TOMM70: variants seen among roughly 807,000 people sequenced by gnomAD.
TOMM70 encodes translocase of outer mitochondrial membrane 70.
In TOMM70, 13 loss-of-function variants were observed where a neutral mutation model predicts 73.6. The observed-to-expected ratio is 0.18, with a 90% CI of 0.11 to 0.28. The LOEUF (loss-of-function observed/expected upper bound fraction) is 0.28. Ranked by LOEUF, TOMM70 falls within the 10% of genes least tolerant of loss-of-function variation. The pLI is 1.00. For synonymous variants in TOMM70, 257 were observed against 271.2 expected (o/e 0.95, Z 0.51); for missense variants, 609 against 747.5 (o/e 0.81, Z 2.16).
intron 1 of TOMM70, among the ~76,000 whole-genome samples, chr3:100,396,656 T>A (rs902422226): frequency 3.3e-5 from 5 of 151,286 alleles, no homozygotes; most frequent in Non-Finnish European, 7.4e-5. Context: ...CAATTTAAAA[T>A]TTTTTTTTAA....
Position 100,386,338 on chromosome 3 carries a change from AT to A in TOMM70, c.504del (p.Lys168AsnfsTer20). ...GTACAGTCTTGTGCCACTTCTTTCC[AT>A]TTTTGCTGTAATTGAAAGTATTTAA... ...NRAAAFEQLQ[K>X]WKEVAQDCTK... is the part of the protein sequence containing the mutation. On this transcript the variant is annotated frameshift_variant, in exon 3 of 12. Transcript: ENST00000284320. LOFTEE classifies it high-confidence loss of function. The A allele has an allele frequency of 6.3e-7, 1 of 1,597,660 alleles. No individual in the cohort carries two copies. Among genetic ancestry groups the A allele is most frequent in the Non-Finnish European group, 8.5e-7 (1 of 1,173,792 alleles).
chr3:100,396,279 G>A (rs924273606), intron 1 of TOMM70, among the ~76,000 whole-genome samples: 1 of 152,148 alleles, frequency 6.6e-6, no homozygotes, highest in South Asian at 2.1e-4. Flanking sequence ...TTACTAAAAT[G>A]TGTAGGTACA....
intron 10 of TOMM70, 101 bp from the exon 11 acceptor site, chr3:100,368,267 GTTAAC>G: frequency 1.4e-6 from 2 of 1,384,026 alleles, no homozygotes; most frequent in Non-Finnish European, 1.9e-6. Flanking sequence ...GAACTTATAA[GTTAAC>G]TTATAACTTA....
chr3:100,370,109 T>C (rs1576210032), intron 9 of TOMM70, among the ~76,000 whole-genome samples: 3 of 152,288 alleles, frequency 2.0e-5, no homozygotes, highest in Middle Eastern at 6.8e-3. Flanking sequence ...CTCTTAAAAA[T>C]ATCAAAGAAA....
At chr3:100,373,030 A>C (rs1458923363) in intron 8 of TOMM70, among the ~76,000 whole-genome samples, 1 of 151,964 alleles carries the variant, frequency 6.6e-6, no homozygotes, top group Non-Finnish European at 1.5e-5. Flanking sequence ...TGTCATTTTC[A>C]TTTATAATAT....
At chr3:100,368,003 A>T in intron 11 of TOMM70, 41 bp downstream of exon 11, 1 of 1,589,796 alleles carries the variant, frequency 6.3e-7, no homozygotes, top group Non-Finnish European at 8.6e-7. Context: ...CTAAATATCT[A>T]TGGAGCTACC....
chr3:100,384,690 C>T (rs1706670304), intron 3 of TOMM70, 102 bp from the exon 4 acceptor site: 1 of 724,284 alleles, frequency 1.4e-6, no homozygotes, highest in Non-Finnish European at 2.1e-6. Flanking sequence ...AAACTAAATT[C>T]ATGGCCAAAT....
At chr3:100,375,954 G>A (rs1403219443) in intron 6 of TOMM70, among the ~76,000 whole-genome samples, 4 of 152,010 alleles carry the variant, frequency 2.6e-5, no homozygotes, top group Non-Finnish European at 4.4e-5. Context: ...TTCCAAAAGG[G>A]CTTCACCATT....
At chr3:100,370,378 TG>T (rs1443219747) in intron 9 of TOMM70, among the ~76,000 whole-genome samples, 1 of 152,156 alleles carries the variant, frequency 6.6e-6, no homozygotes, top group Non-Finnish European at 1.5e-5. Flanking sequence ...TACCATTAAG[TG>T]AGTGTACCAC....
chr3:100,376,350 G>A (rs190727483), intron 6 of TOMM70, among the ~76,000 whole-genome samples: 52 of 136,808 alleles, frequency 3.8e-4, no homozygotes, highest in Non-Finnish European at 5.4e-4. Context: ...CCTTCTTGAT[G>A]GTGTCTTTTC....
intron 5 of TOMM70, among the ~76,000 whole-genome samples, chr3:100,378,113 G>T (rs551702443): frequency 6.6e-6 from 1 of 151,914 alleles, no homozygotes; most frequent in African/African-American, 2.4e-5. Context: ...GCGTGGAGGC[G>T]CATGCCTGTA....
intron 5 of TOMM70, among the ~76,000 whole-genome samples, chr3:100,379,151 T>C (rs1706601558): frequency 6.6e-6 from 1 of 152,234 alleles, no homozygotes; most frequent in Admixed American, 6.5e-5. Flanking sequence ...TCTCTTATTA[T>C]TCTTCTAAGA....
chr3:100,375,634 C>T (rs1177596584), intron 6 of TOMM70, among the ~76,000 whole-genome samples: 1 of 152,068 alleles, frequency 6.6e-6, no homozygotes, highest in Non-Finnish European at 1.5e-5. Context: ...TTTATTTATC[C>T]ATTCATCAAC....
intron 1 of TOMM70, among the ~76,000 whole-genome samples, chr3:100,399,654 T>C (rs1706865631): frequency 6.6e-6 from 1 of 152,150 alleles, no homozygotes; most frequent in Non-Finnish European, 1.5e-5. Flanking sequence ...CATATTAGGC[T>C]TGGTCATGTA....
At chr3:100,377,633 A>C (rs1706580512) in intron 6 of TOMM70, 72 bp downstream of exon 6, 1 of 1,486,248 alleles carries the variant, frequency 6.7e-7, no homozygotes, top group African/African-American at 1.4e-5. Flanking sequence ...ATGCTTTAAA[A>C]AATCTGGCAA....
chr3:100,377,544 A>T (rs1706579429), intron 6 of TOMM70, 161 bp downstream of exon 6: 1 of 657,754 alleles, frequency 1.5e-6, no homozygotes, highest in South Asian at 2.0e-5. Context: ...ATGTTTTCAG[A>T]TTCACTGCAC....
At chr3:100,380,686 T>A (rs1337463115) in intron 5 of TOMM70, among the ~76,000 whole-genome samples, 1 of 152,226 alleles carries the variant, frequency 6.6e-6, no homozygotes, top group Non-Finnish European at 1.5e-5. Flanking sequence ...AGTATTTGCA[T>A]AACTGTCACA....
At chr3:100,383,586 T>TAA (rs1207034282) in intron 4 of TOMM70, among the ~76,000 whole-genome samples, 6 of 151,508 alleles carry the variant, frequency 4.0e-5, no homozygotes, top group African/African-American at 1.5e-4. Flanking sequence ...ATACCCCTCT[T>TAA]AGAGATTCAC....
At chr3:100,387,599 G>GACACAGACACAGACAC (rs796319693) in intron 1 of TOMM70, among the ~76,000 whole-genome samples, 7 of 118,188 alleles carry the variant, frequency 5.9e-5, no homozygotes, top group African/African-American at 2.2e-4. Flanking sequence ...CACAGACACA[G>GACACAGACACAGACAC]ACACACACAC....
Sources: gnomAD v4.1 joint callset for allele counts (sites outside exome capture counted in the v4.1 genomes callset) on GRCh38, gnomAD v4.1.1 for gene constraint, MANE v1.5 for transcripts, NCBI Gene and HGNC (gene_info 2026-07-23, HGNC 2026-07-21) for gene names.